KCNK12: variants seen among roughly 807,000 people sequenced by gnomAD.
KCNK12 encodes the protein potassium two pore domain channel subfamily K member 12.
In KCNK12, 6 loss-of-function variants were observed where a neutral mutation model predicts 25.3. That is an observed-to-expected ratio of 0.24 (90% CI 0.13 to 0.47). KCNK12 has a LOEUF of 0.47. Ranked by LOEUF, KCNK12 falls within the 20% of genes least tolerant of loss-of-function variation. The probability of loss-of-function intolerance (pLI) is 0.99; values close to 1 mark genes in which losing one functional copy is unlikely to be tolerated. For synonymous variants in KCNK12, 331 were observed against 311.1 expected (o/e 1.06, Z -0.67); for missense variants, 444 against 661.7 (o/e 0.67, Z 3.61).
At chr2:47,532,738 C>G (rs899916616) in intron 1 of KCNK12, among the ~76,000 whole-genome samples, 1 of 152,190 alleles carries the variant, frequency 6.6e-6, no homozygotes, top group African/African-American at 2.4e-5. Context: ...CTTTTAGGTG[C>G]CAGCATCCAA....
chr2:47,510,109 G>C lies in KCNK12; in HGVS notation c.*10798C>G, dbSNP rs1223328032. The C allele has an allele frequency of 6.6e-6, 1 of 152,206 alleles. No homozygotes were observed. Among genetic ancestry groups the C allele is most frequent in the Admixed American group, 6.5e-5 (1 of 15,280 alleles). 9.4% of individuals were successfully genotyped at this position (152,206 alleles called of 1,614,324 possible). On this transcript the variant is annotated 3_prime_UTR_variant, in exon 2 of 2. Coordinates refer to ENST00000327876, the MANE Select transcript of KCNK12 (RefSeq NM_022055.2). The stretch of plus-strand genomic sequence containing the variant: ...AAAGTCCTAGGGAGGTCTAGGAAAA[G>C]TCCTGTTGGGAGAGAGCATTTTTTA...
chr2:47,544,678 T>G (rs1669275088), intron 1 of KCNK12, among the ~76,000 whole-genome samples: 1 of 152,198 alleles, frequency 6.6e-6, no homozygotes, highest in Admixed American at 6.5e-5. Context: ...TAACCCACCC[T>G]TTTCCTATCC....
At position 47,570,278 on chromosome 2, in the gene KCNK12, C is replaced by A. The variant is rs1275005180; in HGVS notation, c.54G>T (p.Pro18=). ...AGCAGCAGCAGCAGCAGGAGGGGCG[C>A]GGCAGGCGGCGGCGGCTACGGCGGG... ...PPPRRSRRRL[P]RPSCCCCCCR... Residue 18 remains proline (P), a synonymous_variant, in exon 1 of 2, where the codon CCG becomes CCT. Coordinates refer to ENST00000327876, the MANE Select transcript of KCNK12 (RefSeq NM_022055.2). 8 of 1,394,330 alleles carry A rather than the reference C, an allele frequency of 5.7e-6. No individual in the cohort carries two copies. Among genetic ancestry groups the A allele is most frequent in the Non-Finnish European group, 7.4e-6 (8 of 1,075,892 alleles). 86.4% of individuals were successfully genotyped at this position (1,394,330 alleles called of 1,614,324 possible).
At chr2:47,558,984 G>GT (rs1669606468) in intron 1 of KCNK12, among the ~76,000 whole-genome samples, 3 of 152,240 alleles carry the variant, frequency 2.0e-5, no homozygotes, top group Non-Finnish European at 4.4e-5. Context: ...GAATTGAGCA[G>GT]GGCCTCTTTA....
chr2:47,532,320 CAATA>C (rs1668951229), intron 1 of KCNK12, among the ~76,000 whole-genome samples: 1 of 151,172 alleles, frequency 6.6e-6, no homozygotes, highest in Admixed American at 6.6e-5. Flanking sequence ...ACTTTTGCCT[CAATA>C]AATCTGTGCT....
rs1315384493 is a variant in KCNK12 at position 47,516,580 on chromosome 2, T to C, written c.*4327A>G. On this transcript the variant is annotated 3_prime_UTR_variant, in exon 2 of 2. Transcript: ENST00000327876. ...ACAGAAAGCAAACAGCTCAGAGGGG[T>C]GGCAGGCTGCATTTTATTCATCGTT... is the stretch of plus-strand genomic sequence containing the variant. The C allele has an allele frequency of 6.6e-6, 1 of 151,988 alleles. No individual in the cohort carries two copies. The highest frequency in any genetic ancestry group is 1.5e-5 in the Non-Finnish European group (1 of 68,010). 9.4% of individuals were successfully genotyped at this position (151,988 alleles called of 1,614,324 possible). A position where few individuals can be genotyped will look rare whatever the true frequency, so the allele number is the denominator to read the frequency against.
chr2:47,531,645 C>G (rs1668932150), intron 1 of KCNK12, among the ~76,000 whole-genome samples: 1 of 152,074 alleles, frequency 6.6e-6, no homozygotes, highest in African/African-American at 2.4e-5. Flanking sequence ...GTGACTCTGG[C>G]TGATGGAGCA....
chr2:47,564,685 A>G (rs1669756402), intron 1 of KCNK12: 1 of 177,898 alleles, frequency 5.6e-6, no homozygotes, highest in East Asian at 9.4e-5. Flanking sequence ...ATCATGAATG[A>G]CTTGTTCTCT....
rs887314973 is a variant in KCNK12 at position 47,514,016 on chromosome 2, A to C, written c.*6891T>G. Among the ~76,000 whole-genome samples, 1 of 152,028 alleles carries C rather than the reference A, an allele frequency of 6.6e-6. No individual in the cohort carries two copies. Among genetic ancestry groups the C allele is most frequent in the Non-Finnish European group, 1.5e-5 (1 of 67,996 alleles). On this transcript the variant is annotated 3_prime_UTR_variant, in exon 2 of 2. Transcript: ENST00000327876. This position sits in a 1 kb window ranked among gnomAD's most constrained non-coding sequence, Gnocchi z 5.0. The stretch of plus-strand genomic sequence containing the variant: ...CCAGTGTCCTCAGGATTAGGCGAAA[A>C]GTCTTTGCTTTGTTTTACAAGGCCC...
At chr2:47,543,098 G>A (rs1402102315) in intron 1 of KCNK12, among the ~76,000 whole-genome samples, 3 of 152,038 alleles carry the variant, frequency 2.0e-5, no homozygotes, top group Admixed American at 6.6e-5. Flanking sequence ...CTTGGCCAAC[G>A]TGTTCTTTTT....
At position 47,538,314 on chromosome 2, in the gene KCNK12, G is replaced by A. The variant is rs1285158427; in HGVS notation, c.392-16506C>T. Among the ~76,000 whole-genome samples, 1 of 152,190 alleles carries A rather than the reference G, an allele frequency of 6.6e-6. No individual in the cohort carries two copies. The highest frequency in any genetic ancestry group is 1.5e-5 in the Non-Finnish European group (1 of 68,028). On this transcript the variant is annotated intron_variant, in intron 1 of 1. Transcript: ENST00000327876. This position sits in a 1 kb window ranked among gnomAD's most constrained non-coding sequence, Gnocchi z 4.5. ...AGAGCAGGCTAAGAGGGTGAGGAGT[G>A]TGCGGGCAGGGAGGAGGCAGGTCAT...
At chr2:47,558,538 G>A (rs1039793699) in intron 1 of KCNK12, among the ~76,000 whole-genome samples, 6 of 152,232 alleles carry the variant, frequency 3.9e-5, no homozygotes, top group African/African-American at 1.4e-4. Flanking sequence ...AGCACAGGCA[G>A]AGGCCCGTGC....
At chr2:47,541,974 T>C (rs1345251111) in intron 1 of KCNK12, among the ~76,000 whole-genome samples, 1 of 152,170 alleles carries the variant, frequency 6.6e-6, no homozygotes. Context: ...CATTCTGTTT[T>C]CTGTAGCAGC....
rs1176111810 is a variant in KCNK12 at position 47,566,253 on chromosome 2, A to G, written c.391+3688T>C. 2.0e-5 allele frequency: 3 copies of G among 152,196 alleles called. No homozygotes were observed. The highest frequency in any genetic ancestry group is 7.2e-5 in the African/African-American group (3 of 41,438). The allele number at this position is 152,196 out of a possible 1,614,324, so 9.4% of individuals were successfully genotyped here. Reference sequence around the variant, plus strand: ...GGATACGGGGCCCTGTTCAAACCAAATATCAGGACAAACATTCTACTTCAT... The same window carrying G: ...GGATACGGGGCCCTGTTCAAACCAAGTATCAGGACAAACATTCTACTTCAT... On this transcript the variant is annotated intron_variant, in intron 1 of 1. Transcript: ENST00000327876. This position sits in a 1 kb window ranked among gnomAD's most constrained non-coding sequence, Gnocchi z 4.1.
rs1258779872 is a variant in KCNK12 at position 47,511,093 on chromosome 2, A to G, written c.*9814T>C. 6.6e-6 allele frequency: 1 copy of G among 152,240 alleles called. No individual in the cohort carries two copies. The highest frequency in any genetic ancestry group is 2.4e-5 in the African/African-American group (1 of 41,444). The allele number at this position is 152,240 out of a possible 1,614,324, so 9.4% of individuals were successfully genotyped here. On this transcript the variant is annotated 3_prime_UTR_variant, in exon 2 of 2. Coordinates refer to ENST00000327876, the MANE Select transcript of KCNK12 (RefSeq NM_022055.2). This position sits in a 1 kb window ranked among gnomAD's most constrained non-coding sequence, Gnocchi z 4.3. ...GAGCATGCACACCGTAGGTTCTCAC[A>G]TATGTTTGTTGAGTGAATGAATACA... is the stretch of plus-strand genomic sequence containing the variant.
chr2:47,554,270 C>G (rs564917295), intron 1 of KCNK12, among the ~76,000 whole-genome samples: 1 of 152,128 alleles, frequency 6.6e-6, no homozygotes, highest in Non-Finnish European at 1.5e-5. Flanking sequence ...CACATAAACA[C>G]GTTATTTGCT....
At chr2:47,567,642 G>C (rs527999059) in intron 1 of KCNK12, among the ~76,000 whole-genome samples, 1 of 152,348 alleles carries the variant, frequency 6.6e-6, no homozygotes, top group African/African-American at 2.4e-5. Context: ...TTTTGTGGCT[G>C]TCTTGGCATC....
In KCNK12 at chr2:47,538,660, A is replaced by C. The variant is rs903783919; in HGVS notation, c.392-16852T>G. On this transcript the variant is annotated intron_variant, in intron 1 of 1. Coordinates refer to ENST00000327876, the MANE Select transcript of KCNK12 (RefSeq NM_022055.2). This position sits in a 1 kb window ranked among gnomAD's most constrained non-coding sequence, Gnocchi z 4.5. ...GTGGTGCATGCCTGTAATCCCAGTT[A>C]CTTGGAAGGCTGAGGCAGGAGAATC... Among the ~76,000 whole-genome samples the C allele has an allele frequency of 6.6e-6, 1 of 152,152 alleles. No homozygotes were observed. Among genetic ancestry groups the C allele is most frequent in the Non-Finnish European group, 1.5e-5 (1 of 68,036 alleles).
In KCNK12 at chr2:47,520,260, G is replaced by C. The variant is rs1227574919; in HGVS notation, c.*647C>G. 6.6e-6 allele frequency: 1 copy of C among 152,246 alleles called. No individual in the cohort carries two copies. Among genetic ancestry groups the C allele is most frequent in the Non-Finnish European group, 1.5e-5 (1 of 68,058 alleles). 9.4% of individuals were successfully genotyped at this position (152,246 alleles called of 1,614,324 possible). ...GTGCTAAATGGACTAACTCTGAGCT[G>C]AGAAAGGCCAGCTAAGCCCCTCACC... On this transcript the variant is annotated 3_prime_UTR_variant, in exon 2 of 2. Transcript: ENST00000327876. This position sits in a 1 kb window ranked among gnomAD's most constrained non-coding sequence, Gnocchi z 5.0.
Sources: allele counts gnomAD v4.1 joint callset (sites outside exome capture counted in the v4.1 genomes callset), GRCh38; gene constraint gnomAD v4.1.1; non-coding constraint Gnocchi (gnomAD v3.1); transcripts MANE v1.5; gene names NCBI Gene and HGNC (gene_info 2026-07-23, HGNC 2026-07-21).